FHIT: variants seen among roughly 807,000 people sequenced by gnomAD.
The protein encoded by FHIT is fragile histidine triad diadenosine triphosphatase.
In FHIT, 19 loss-of-function variants were observed where a neutral mutation model predicts 17.9. The observed-to-expected ratio is 1.06, with a 90% CI of 0.74 to 1.56. The LOEUF is 1.56. Ranked by LOEUF, FHIT falls within the 40% of genes most tolerant of loss-of-function variation. The pLI, the probability that FHIT is intolerant of heterozygous loss-of-function variation, is 0.00. For synonymous variants in FHIT, 81 were observed against 69.7 expected, an observed-to-expected ratio of 1.16 and a Z score of -0.81; for missense variants, 248 against 189.2, an observed-to-expected ratio of 1.31 and a Z score of -1.82.
At chr3:60,523,965 G>C (rs1183559140) in intron 5 of FHIT, among the ~76,000 whole-genome samples, 1 of 152,158 alleles carries the variant, frequency 6.6e-6, no homozygotes, top group Non-Finnish European at 1.5e-5. Flanking sequence ...CCTGGTGTGA[G>C]AACTTACCAC....
chr3:61,045,820 T>C (rs533002069), intron 2 of FHIT, among the ~76,000 whole-genome samples: 92 of 151,980 alleles, frequency 6.1e-4, no homozygotes, highest in African/African-American at 2.1e-3. Context: ...AAACTAGAAA[T>C]CATAATCAAG....
chr3:60,978,297 G>GT (rs1710348143), intron 3 of FHIT, among the ~76,000 whole-genome samples: 1 of 152,188 alleles, frequency 6.6e-6, no homozygotes, highest in South Asian at 2.1e-4. Context: ...TGATTCTAGA[G>GT]TGGGGCCTCA....
intron 8 of FHIT, among the ~76,000 whole-genome samples, chr3:59,787,912 A>C (rs1179836714): frequency 6.6e-6 from 1 of 152,098 alleles, no homozygotes; most frequent in Admixed American, 6.6e-5. Flanking sequence ...GCTACCATCT[A>C]TGTGCTGGAT....
intron 5 of FHIT, among the ~76,000 whole-genome samples, chr3:60,379,798 C>A (rs1700724107): frequency 6.6e-6 from 1 of 152,006 alleles, no homozygotes; most frequent in Non-Finnish European, 1.5e-5. Context: ...TCTTAATTTA[C>A]AAAATAAATG....
intron 3 of FHIT, among the ~76,000 whole-genome samples, chr3:60,825,736 C>A (rs1018553209): frequency 6.6e-6 from 1 of 152,102 alleles, no homozygotes; most frequent in Non-Finnish European, 1.5e-5. Flanking sequence ...CAAAACCATA[C>A]CCCCCACCTC....
At chr3:60,374,837 A>T (rs1700480933) in intron 5 of FHIT, among the ~76,000 whole-genome samples, 1 of 152,098 alleles carries the variant, frequency 6.6e-6, no homozygotes, top group South Asian at 2.1e-4. Context: ...TATTAAGTAG[A>T]AGAGACTGCT....
intron 4 of FHIT, among the ~76,000 whole-genome samples, chr3:60,610,269 A>G (rs1448046945): frequency 6.6e-6 from 1 of 152,194 alleles, no homozygotes; most frequent in Non-Finnish European, 1.5e-5. Flanking sequence ...TTCATTTGCC[A>G]AACAATCTTG....
rs151183080 is a variant in FHIT at position 60,352,021 on chromosome 3, C to T, written c.103+184839G>A. On this transcript the variant is annotated intron_variant, in intron 5 of 9. Coordinates refer to ENST00000492590, the MANE Select transcript of FHIT (RefSeq NM_002012.4). Reference sequence around the variant, plus strand: ...TGCCCTGTATCGTAATTAGCTCTTCCGGTGACTGTCTTATCCACTGGAGTA... The same window carrying T: ...TGCCCTGTATCGTAATTAGCTCTTCTGGTGACTGTCTTATCCACTGGAGTA... 2.6e-5 allele frequency among the ~76,000 whole-genome samples: 4 copies of T among 152,268 alleles called. No homozygotes were observed. In the East Asian group the frequency reaches 5.8e-4, roughly 22 times the overall value.
chr3:60,738,741 A>G (rs900375370), intron 4 of FHIT, among the ~76,000 whole-genome samples: 2 of 152,230 alleles, frequency 1.3e-5, no homozygotes, highest in African/African-American at 4.8e-5. Context: ...AAGACCTCTG[A>G]AGCAGAATTT....
chr3:60,576,377 G>C (rs781961189), intron 4 of FHIT, among the ~76,000 whole-genome samples: 1 of 152,056 alleles, frequency 6.6e-6, no homozygotes, highest in Non-Finnish European at 1.5e-5. Context: ...AAACACCAAG[G>C]GTATGGTGTC....
At chr3:60,046,024 C>A (rs1701639207) in intron 5 of FHIT, among the ~76,000 whole-genome samples, 1 of 152,140 alleles carries the variant, frequency 6.6e-6, no homozygotes, top group Non-Finnish European at 1.5e-5. Context: ...CTTTTTCTTC[C>A]ATCACTAATG....
At chr3:60,380,218 T>A (rs945292789) in intron 5 of FHIT, among the ~76,000 whole-genome samples, 32 of 152,140 alleles carry the variant, frequency 2.1e-4, no homozygotes, top group African/African-American at 7.5e-4. Context: ...GCCCTCCCCA[T>A]GGTAATGAGT....
At chr3:61,213,120 A>C (rs1046802001) in intron 1 of FHIT, among the ~76,000 whole-genome samples, 3 of 152,194 alleles carry the variant, frequency 2.0e-5, no homozygotes, top group African/African-American at 7.2e-5. Flanking sequence ...TAACCAGCTA[A>C]CATCATAATG....
At chr3:60,521,869 T>C (rs1180444243) in intron 5 of FHIT, among the ~76,000 whole-genome samples, 1 of 152,148 alleles carries the variant, frequency 6.6e-6, no homozygotes, top group African/African-American at 2.4e-5. Context: ...CTCTTTCTTC[T>C]CCCATGTACA....
chr3:60,143,931 G>C (rs186866473), intron 5 of FHIT, among the ~76,000 whole-genome samples: 75 of 152,272 alleles, frequency 4.9e-4, no homozygotes, highest in Non-Finnish European at 2.5e-4. Flanking sequence ...AGGTGGGGTA[G>C]GGAGGCAAGC....
At chr3:60,154,311 T>G (rs1236780306) in intron 5 of FHIT, among the ~76,000 whole-genome samples, 1 of 152,198 alleles carries the variant, frequency 6.6e-6, no homozygotes, top group African/African-American at 2.4e-5. Flanking sequence ...ATTATTTTCC[T>G]TAGTAGGTGG....
chr3:59,821,193 A>G (rs1700774565), intron 8 of FHIT, among the ~76,000 whole-genome samples: 1 of 152,208 alleles, frequency 6.6e-6, no homozygotes, highest in South Asian at 2.1e-4. Context: ...ATATTTGAGG[A>G]AGAAATTCTG....
intron 7 of FHIT, among the ~76,000 whole-genome samples, chr3:59,924,198 C>G (rs1023605903): frequency 2.0e-5 from 3 of 152,182 alleles, no homozygotes; most frequent in African/African-American, 7.2e-5. Flanking sequence ...AACAAGGATA[C>G]AGACAACCCT....
At chr3:61,124,624 A>G (rs1435932708) in intron 2 of FHIT, among the ~76,000 whole-genome samples, 1 of 152,192 alleles carries the variant, frequency 6.6e-6, no homozygotes, top group African/African-American at 2.4e-5. Context: ...TATGTTTCCA[A>G]GAGATGAAAA....
Sources: gnomAD v4.1 joint callset for allele counts (sites outside exome capture counted in the v4.1 genomes callset) on GRCh38, gnomAD v4.1.1 for gene constraint, MANE v1.5 for transcripts, NCBI Gene and HGNC (gene_info 2026-07-23, HGNC 2026-07-21) for gene names.